The following SPEG variants were observed in gnomAD, a reference collection of about 807,000 sequenced individuals.
SPEG encodes striated muscle preferentially expressed protein kinase.
Under a neutral mutation model 300.4 loss-of-function variants are expected in SPEG, and 114 were observed. The ratio of observed to expected loss-of-function variants is 0.38; its 90% CI spans 0.33 to 0.44. SPEG has a LOEUF of 0.44. Ranked by LOEUF, SPEG falls within the 20% of genes least tolerant of loss-of-function variation. The pLI is 1.00. For missense variants in SPEG, 4,201 were observed against 4,586.2 expected (o/e 0.92, Z 2.43); for synonymous variants, 1,964 against 2,018.9 (o/e 0.97, Z 0.73).
At chr2:219,461,153 C>T in intron 6 of SPEG, 1 of 937,374 alleles carries the variant, frequency 1.1e-6, no homozygotes, top group Non-Finnish European at 1.3e-6. Context: ...GGCGTCAGGG[C>T]CCTGGGGACA....
rs1689074681 is a variant in SPEG, at chr2:219,443,575, A to G, written c.389-1078A>G. The G allele has an allele frequency of 3.5e-6, 1 of 286,254 alleles. No homozygotes were observed. The highest frequency in any genetic ancestry group is 6.8e-6 in the Non-Finnish European group (1 of 146,186). The allele number at this position is 286,254 out of a possible 1,614,324, so 17.7% of individuals were successfully genotyped here. A position where few individuals can be genotyped will look rare whatever the true frequency, so the allele number is the denominator to read the frequency against. On this transcript the variant is annotated intron_variant, in intron 1 of 40. Coordinates refer to ENST00000312358, the MANE Select transcript of SPEG (RefSeq NM_005876.5). This position sits in a 1 kb window ranked among gnomAD's most constrained non-coding sequence, Gnocchi z 4.6. ...CACTGGGCATTTTTGAGGACGATTCAACAGTAGAAGGGAGGGACCTTGAGG... is the reference window on the plus strand; with the variant it reads ...CACTGGGCATTTTTGAGGACGATTCGACAGTAGAAGGGAGGGACCTTGAGG...
At chr2:219,463,240 C>T (rs1315638388) in intron 8 of SPEG, among the ~76,000 whole-genome samples, 2 of 151,814 alleles carry the variant, frequency 1.3e-5, no homozygotes, top group Admixed American at 1.3e-4. Flanking sequence ...CAATTTGTTT[C>T]TGAGCTGCCA....
chr2:219,473,437 G>A lies in SPEG; in HGVS notation c.4148-67G>A. On this transcript the variant is annotated intron_variant, in intron 16 of 40. Transcript: ENST00000312358. The surrounding 1 kb of genome is among the most constrained non-coding windows in gnomAD (Gnocchi z 4.6). ...ACTCAAGTGTTGATGAGGGGTGTTA[G>A]AGGAGTGGTGGGTGCTGAGGACCTG... 2 of 1,478,276 alleles carry A rather than the reference G, an allele frequency of 1.4e-6. No individual in the cohort carries two copies. Among genetic ancestry groups the A allele is most frequent in the Non-Finnish European group, 1.9e-6 (2 of 1,062,956 alleles). 91.6% of individuals were successfully genotyped at this position (1,478,276 alleles called of 1,614,324 possible). A position where few individuals can be genotyped will look rare whatever the true frequency, so the allele number is the denominator to read the frequency against.
chr2:219,457,637 C>T (rs1690296610), intron 6 of SPEG, among the ~76,000 whole-genome samples: 1 of 152,216 alleles, frequency 6.6e-6, no homozygotes, highest in South Asian at 2.1e-4. Context: ...GCCTTGCCTA[C>T]AGAGTAAAGG....
At chr2:219,466,115 G>C in intron 9 of SPEG, 2 of 1,588,038 alleles carry the variant, frequency 1.3e-6, no homozygotes, top group Non-Finnish European at 1.7e-6. Flanking sequence ...CCGCGCCCCT[G>C]TCTCAGGCAC....
chr2:219,461,472 C>T, intron 6 of SPEG: 3 of 1,052,762 alleles, frequency 2.8e-6, no homozygotes, highest in Non-Finnish European at 3.4e-6. Flanking sequence ...AGCCATGCTG[C>T]TCCAGGGTTC....
chr2:219,488,361 G>T (rs1443494494), intron 32 of SPEG, 51 bp downstream of exon 32: 1 of 1,537,538 alleles, frequency 6.5e-7, no homozygotes. Context: ...GTGGCCCTGA[G>T]CCCAGGGGAT....
At position 219,472,005 on chromosome 2, in the gene SPEG, G is replaced by A. The variant is rs745632462; in HGVS notation, c.3835+18G>A. 2.6e-5 allele frequency: 42 copies of A among 1,608,552 alleles called. No homozygotes were observed. The highest frequency in any genetic ancestry group is 1.0e-4 in the Admixed American group (6 of 59,970). ...TGTCACAGGTGAGGCAGGCACCCTC[G>A]TGGTCAGCTGCACGCACAGCCTGGC... On this transcript the variant is annotated intron_variant, in intron 14 of 40. Transcript: ENST00000312358.
At position 219,473,976 on chromosome 2, in the gene SPEG, C is replaced by A; in HGVS notation, c.4447+73C>A. ...CTCTCTACTCACACCCCCAGGTACA[C>A]AACCTGCCTGACACTGCTGCAGATC... On this transcript the variant is annotated intron_variant, in intron 18 of 40. Transcript: ENST00000312358. The surrounding 1 kb of genome is among the most constrained non-coding windows in gnomAD (Gnocchi z 4.6). 6.7e-7 allele frequency: 1 copy of A among 1,495,044 alleles called. No individual in the cohort carries two copies. The highest frequency in any genetic ancestry group is 9.0e-7 in the Non-Finnish European group (1 of 1,108,888). The allele number at this position is 1,495,044 out of a possible 1,614,324, so 92.6% of individuals were successfully genotyped here. A position where few individuals can be genotyped will look rare whatever the true frequency, so the allele number is the denominator to read the frequency against.
intron 18 of SPEG, among the ~76,000 whole-genome samples, chr2:219,476,324 T>C (rs1337438649): frequency 6.6e-6 from 1 of 152,134 alleles, no homozygotes; most frequent in Non-Finnish European, 1.5e-5. Flanking sequence ...AACTTCAAGG[T>C]AGAGGCAATG....
chr2:219,473,075 C>A lies in SPEG; in HGVS notation c.4126C>A (p.Pro1376Thr). The A allele has an allele frequency of 6.2e-7, 1 of 1,613,846 alleles. No homozygotes were observed. Among genetic ancestry groups the A allele is most frequent in the Non-Finnish European group, 8.5e-7 (1 of 1,180,004 alleles). The change falls in exon 16 of 41, where the codon CCT becomes ACT. Residue 1376 changes from proline to threonine, a missense_variant. Pro to Thr is a conservative substitution (Grantham distance 38). Coordinates refer to ENST00000312358, the MANE Select transcript of SPEG (RefSeq NM_005876.5). This position sits in a 1 kb window ranked among gnomAD's most constrained non-coding sequence, Gnocchi z 4.6. ...SSSKPSPPSE[P>T]VQLLEHGPTL... ...CAGCAAGCCCTCACCCCCTTCTGAG[C>A]CTGTGCAGCTGCTGGAGCACGGTGA...
chr2:219,435,479 A>T, intron 1 of SPEG, 114 bp downstream of exon 1: 1 of 1,205,782 alleles, frequency 8.3e-7, no homozygotes, highest in Non-Finnish European at 1.1e-6. Flanking sequence ...CCTTCTTCCC[A>T]GGTGCCCTGG....
At chr2:219,455,157 A>T (rs1165512190) in intron 6 of SPEG, among the ~76,000 whole-genome samples, 1 of 152,244 alleles carries the variant, frequency 6.6e-6, no homozygotes, top group Non-Finnish European at 1.5e-5. Context: ...TGAGTGCTTC[A>T]TATATACCAG....
chr2:219,465,922 TGCGC>T (rs796752394), intron 9 of SPEG: 5 of 224,108 alleles, frequency 2.2e-5, no homozygotes, highest in African/African-American at 1.1e-4. Flanking sequence ...CGTGTGTGTG[TGCGC>T]GCGTGTGCGT....
At chr2:219,465,237 C>T (rs772291295) in intron 9 of SPEG, 1 of 152,620 alleles carries the variant, frequency 6.6e-6, no homozygotes, top group Non-Finnish European at 1.5e-5. Context: ...AGGGGGCCCT[C>T]GAGGGCCATG....
intron 1 of SPEG, 26 bp downstream of exon 1, chr2:219,435,391 CGGCAGGGGCGG>C: frequency 6.6e-7 from 1 of 1,517,536 alleles, no homozygotes; most frequent in East Asian, 2.5e-5. Flanking sequence ...GGGCCGCGCC[CGGCAGGGGCGG>C]GGTGCTCAGA....
At chr2:219,438,214 C>G (rs746817149) in intron 1 of SPEG, among the ~76,000 whole-genome samples, 1 of 152,132 alleles carries the variant, frequency 6.6e-6, no homozygotes, top group Non-Finnish European at 1.5e-5. Context: ...ATGCAGGATA[C>G]TTGTAGAATC....
chr2:219,442,213 C>A, intron 1 of SPEG: 2 of 543,548 alleles, frequency 3.7e-6, no homozygotes, highest in Non-Finnish European at 5.2e-6. Context: ...ACCCGAGCCC[C>A]GCCGAGGGCG....
At position 219,480,758 on chromosome 2, in the gene SPEG, G is replaced by A; in HGVS notation, c.5369+61G>A. The A allele has an allele frequency of 6.6e-7, 1 of 1,522,350 alleles. No homozygotes were observed. Among genetic ancestry groups the A allele is most frequent in the South Asian group, 1.1e-5 (1 of 89,286 alleles). 94.3% of individuals were successfully genotyped at this position (1,522,350 alleles called of 1,614,324 possible). The stretch of plus-strand genomic sequence containing the variant: ...GGCAGGTCTACCCCTAACCTTTGCA[G>A]GGCTGCAGCCCACCCCCTTCTCTTC... On this transcript the variant is annotated intron_variant, in intron 26 of 40. Coordinates refer to ENST00000312358, the MANE Select transcript of SPEG (RefSeq NM_005876.5). This position sits in a 1 kb window ranked among gnomAD's most constrained non-coding sequence, Gnocchi z 5.3.
Sources: gnomAD v4.1 joint callset for allele counts (sites outside exome capture counted in the v4.1 genomes callset) on GRCh38, gnomAD v4.1.1 for gene constraint, Gnocchi (gnomAD v3.1) non-coding constraint, MANE v1.5 for transcripts, NCBI Gene and HGNC (gene_info 2026-07-23, HGNC 2026-07-21) for gene names.